Variants in ZFAND2A observed in about 807,000 individuals in gnomAD.
ZFAND2A encodes the protein AN1-type zinc finger protein 2A.
ZFAND2A carries 20 observed loss-of-function variants against 11.6 expected under a neutral mutation model. The observed-to-expected ratio is 1.72, with a 90% CI of 1.21 to 2.50. The LOEUF is 2.50. ZFAND2A is among the 30% of genes most tolerant of loss of function. The pLI, the probability that ZFAND2A is intolerant of heterozygous loss-of-function variation, is 0.00. For synonymous variants in ZFAND2A, 93 were observed against 60.6 expected, an observed-to-expected ratio of 1.54 and a Z score of -2.48; for missense variants, 234 against 182.9, an observed-to-expected ratio of 1.28 and a Z score of -1.61.
rs148618841 is a variant in ZFAND2A, at chr7:1,155,547, G to C, written c.188C>G (p.Pro63Arg). 6.8e-6 allele frequency: 11 copies of C among 1,613,802 alleles called. No homozygotes were observed. Among genetic ancestry groups the C allele is most frequent in the Non-Finnish European group, 6.8e-6 (8 of 1,179,840 alleles). ...TATCTGGCCCTTTTTTACTGGGATGGGGGTATTACAGAGTGGGCATACTGG... is the reference window on the plus strand; with the variant it reads ...TATCTGGCCCTTTTTTACTGGGATGCGGGTATTACAGAGTGGGCATACTGG... Reference protein sequence around the residue: ...HVPVCPLCNTPIPVKKGQIPD... With the variant: ...HVPVCPLCNTRIPVKKGQIPD... The change falls in exon 4 of 5, where the codon CCC (proline) becomes CGC (arginine). Residue 63 changes from proline to arginine, a missense_variant. Transcript: ENST00000316495.
Position 1,157,729 on chromosome 7 carries a change from T to C in ZFAND2A, c.77A>G (p.Asp26Gly), listed in dbSNP as rs139444451. ...TTTACAGAAATCTTGTTTACATGCATCACATTTTACTGGAAGAAAATCTAA... is the reference window on the plus strand; with the variant it reads ...TTTACAGAAATCTTGTTTACATGCACCACATTTTACTGGAAGAAAATCTAA... The part of the protein sequence containing the change: ...KQLDFLPVKC[D>G]ACKQDFCKDH... The change falls in exon 3 of 5, where the codon GAT becomes GGT. Residue 26 changes from aspartate (D) to glycine (G), a missense_variant. Physicochemically the swap from Asp to Gly is moderately conservative, Grantham distance 94. Coordinates refer to ENST00000316495, the MANE Select transcript of ZFAND2A (RefSeq NM_182491.4). The C allele has an allele frequency of 1.3e-4, 198 of 1,558,454 alleles. No individual in the cohort carries two copies. In the East Asian group the frequency reaches 4.2e-3, roughly 33 times the overall value.
intron 4 of ZFAND2A, among the ~76,000 whole-genome samples, chr7:1,154,342 G>A (rs888626920): frequency 4.6e-5 from 7 of 152,174 alleles, no homozygotes; most frequent in Non-Finnish European, 8.8e-5. Flanking sequence ...CATGCTGAGC[G>A]ACCATGCAGG....
intron 4 of ZFAND2A, among the ~76,000 whole-genome samples, chr7:1,154,905 G>T (rs1335314003): frequency 1.3e-5 from 2 of 152,058 alleles, no homozygotes; most frequent in African/African-American, 4.8e-5. Flanking sequence ...AGATCATAAG[G>T]TGAGGAGTTC....
chr7:1,159,008 C>T (rs1038109996), intron 1 of ZFAND2A, among the ~76,000 whole-genome samples: 1 of 152,102 alleles, frequency 6.6e-6, no homozygotes, highest in Admixed American at 6.5e-5. Context: ...AGACTGTCGC[C>T]TAAGACTGGA....
At chr7:1,149,575 T>A (rs1793360629), downstream of ZFAND2A, among the ~76,000 whole-genome samples, 1 of 152,200 alleles carries the variant, frequency 6.6e-6, no homozygotes, top group South Asian at 2.1e-4. Context: ...CCGTCAGGGA[T>A]GTGCACGGCC....
intron 1 of ZFAND2A, 54 bp from the exon 2 acceptor site, chr7:1,158,311 A>T (rs1236788937): frequency 9.4e-7 from 1 of 1,067,614 alleles, no homozygotes; most frequent in Non-Finnish European, 1.4e-6. Context: ...TTCAGTCACC[A>T]GGATTTACAA....
At chr7:1,157,924 A>G (rs971252533) in intron 2 of ZFAND2A, among the ~76,000 whole-genome samples, 174 bp from the exon 3 acceptor site, 2 of 152,134 alleles carry the variant, frequency 1.3e-5, no homozygotes, top group Non-Finnish European at 2.9e-5. Flanking sequence ...GAGACCCCCT[A>G]TGGCATCGCA....
chr7:1,155,914 A>G lies in ZFAND2A; in HGVS notation c.151-330T>C, dbSNP rs76311070. Among the ~76,000 whole-genome samples, 115 of 152,348 alleles carry G rather than the reference A, an allele frequency of 7.5e-4. 4 individuals carry two copies. In the East Asian group the frequency reaches 0.022, roughly 29 times the overall value. ...ACCTCCACAGGGAGGAGATGGAGGG[A>G]AACATGGACCACAAAGACCCTCCAG... On this transcript the variant is annotated intron_variant, in intron 3 of 4. Coordinates refer to ENST00000316495, the MANE Select transcript of ZFAND2A (RefSeq NM_182491.4).
At chr7:1,152,331 T>G (rs1260579011), downstream of ZFAND2A, 6 of 1,575,316 alleles carry the variant, frequency 3.8e-6, no homozygotes, top group East Asian at 1.4e-4. Context: ...TCAGAGACTG[T>G]CATGGGTGAG....
chr7:1,159,540 C>T (rs553254411), intron 1 of ZFAND2A, among the ~76,000 whole-genome samples: 1 of 114,172 alleles, frequency 8.8e-6, no homozygotes, highest in Non-Finnish European at 1.9e-5. Context: ...ACAGCCAGAC[C>T]CCGGCAGGCC....
downstream of ZFAND2A, among the ~76,000 whole-genome samples, chr7:1,150,696 T>A (rs767191678): frequency 2.0e-5 from 3 of 152,158 alleles, no homozygotes; most frequent in Non-Finnish European, 4.4e-5. Flanking sequence ...CCCAGTCTCC[T>A]GTAATCTCTG....
chr7:1,157,761 A>G lies in ZFAND2A; in HGVS notation c.56-11T>C. 1 of 1,538,506 alleles carries G rather than the reference A, an allele frequency of 6.5e-7. No individual in the cohort carries two copies. Among genetic ancestry groups the G allele is most frequent in the Non-Finnish European group, 8.7e-7 (1 of 1,143,810 alleles). On this transcript the variant is annotated splice_polypyrimidine_tract_variant and intron_variant, in intron 2 of 4. Coordinates refer to ENST00000316495, the MANE Select transcript of ZFAND2A (RefSeq NM_182491.4). ...TTACTGGAAGAAAATCTAAAAAACAAAAAACAGGGAAGTGTTTTAACGACT... is the reference window on the plus strand; with the variant it reads ...TTACTGGAAGAAAATCTAAAAAACAGAAAACAGGGAAGTGTTTTAACGACT...
chr7:1,155,443 C>T lies in ZFAND2A; in HGVS notation c.282+10G>A, dbSNP rs770107781. ...CCAGATGAAGGAACTGAGGCGGGCT[C>T]TGTCCTTACCTTCTCTTTCTTCTTC... On this transcript the variant is annotated intron_variant, in intron 4 of 4. Transcript: ENST00000316495. 3 of 1,611,198 alleles carry T rather than the reference C, an allele frequency of 1.9e-6. No homozygotes were observed. The highest frequency in any genetic ancestry group is 2.2e-5 in the South Asian group (2 of 90,350).
At position 1,157,764 on chromosome 7, in the gene ZFAND2A, A is replaced by T. The variant is rs754845267; in HGVS notation, c.56-14T>A. 6.5e-7 allele frequency: 1 copy of T among 1,536,526 alleles called. No homozygotes were observed. The highest frequency in any genetic ancestry group is 2.4e-5 in the East Asian group (1 of 42,494). Reference sequence around the variant, plus strand: ...CTGGAAGAAAATCTAAAAAACAAAAAACAGGGAAGTGTTTTAACGACTGGA... The same window carrying T: ...CTGGAAGAAAATCTAAAAAACAAAATACAGGGAAGTGTTTTAACGACTGGA... On this transcript the variant is annotated splice_polypyrimidine_tract_variant and intron_variant, in intron 2 of 4. Transcript: ENST00000316495.
rs1004031996 is a variant in ZFAND2A, at chr7:1,160,101, G to T, written c.-183C>A. The T allele has an allele frequency of 6.5e-6, 1 of 153,034 alleles. No individual in the cohort carries two copies. Among genetic ancestry groups the T allele is most frequent in the Non-Finnish European group, 1.5e-5 (1 of 68,398 alleles). The allele number at this position is 153,034 out of a possible 1,614,324, so 9.5% of individuals were successfully genotyped here. ...ACACTGGCACCGAGACGCCGTCGGAGGCACACCCACACCCACACCGGAACG... is the reference window on the plus strand; with the variant it reads ...ACACTGGCACCGAGACGCCGTCGGATGCACACCCACACCCACACCGGAACG... On this transcript the variant is annotated 5_prime_UTR_variant, in exon 1 of 5. Coordinates refer to ENST00000316495, the MANE Select transcript of ZFAND2A (RefSeq NM_182491.4).
At chr7:1,152,191 T>C (rs1370830634), downstream of ZFAND2A, 1 of 1,514,020 alleles carries the variant, frequency 6.6e-7, no homozygotes, top group Admixed American at 2.0e-5. Context: ...CCTTTCCGTG[T>C]TCACCAACCA....
At position 1,155,435 on chromosome 7, in the gene ZFAND2A, G is replaced by A; in HGVS notation, c.282+18C>T. 1 of 1,608,720 alleles carries A rather than the reference G, an allele frequency of 6.2e-7. No individual in the cohort carries two copies. Among genetic ancestry groups the A allele is most frequent in the Non-Finnish European group, 8.5e-7 (1 of 1,177,802 alleles). Reference sequence around the variant, plus strand: ...CAGGCTTCCCAGATGAAGGAACTGAGGCGGGCTCTGTCCTTACCTTCTCTT... The same window carrying A: ...CAGGCTTCCCAGATGAAGGAACTGAAGCGGGCTCTGTCCTTACCTTCTCTT... On this transcript the variant is annotated intron_variant, in intron 4 of 4. Coordinates refer to ENST00000316495, the MANE Select transcript of ZFAND2A (RefSeq NM_182491.4).
chr7:1,157,485 T>C, intron 3 of ZFAND2A, 171 bp downstream of exon 3: 1 of 588,566 alleles, frequency 1.7e-6, no homozygotes, highest in East Asian at 3.1e-5. Context: ...CACGCTCCTC[T>C]GTACTGCCTA....
chr7:1,153,357 C>A (rs766639520), intron 4 of ZFAND2A, 133 bp from the exon 5 acceptor site: 16 of 930,254 alleles, frequency 1.7e-5, no homozygotes, highest in Non-Finnish European at 2.5e-5. Context: ...AAGTGATTCT[C>A]CTGCTTCAGC....
Sources: gnomAD v4.1 joint callset for allele counts (sites outside exome capture counted in the v4.1 genomes callset) on GRCh38, gnomAD v4.1.1 for gene constraint, MANE v1.5 for transcripts, NCBI Gene and HGNC (gene_info 2026-07-23, HGNC 2026-07-21) for gene names.